The following RGS3 variants were observed in gnomAD, a reference collection of about 807,000 sequenced individuals.
RGS3 encodes regulator of G-protein signalling 3.
A neutral mutation model predicts 132.6 loss-of-function variants in RGS3; 80 were observed. That is an observed-to-expected ratio of 0.60 (90% CI 0.50 to 0.73). RGS3 has a LOEUF of 0.73. RGS3 is among the 30% of genes least tolerant of loss of function. RGS3 has a pLI of 0.00. For missense variants in RGS3, 1,382 were observed against 1,530.8 expected (o/e 0.90, Z 1.62); for synonymous variants, 598 against 620.6 (o/e 0.96, Z 0.54).
intron 17 of RGS3, among the ~76,000 whole-genome samples, chr9:113,523,992 T>C (rs1832085622): frequency 6.6e-6 from 1 of 152,182 alleles, no homozygotes; most frequent in African/African-American, 2.4e-5. Context: ...GGCTCTGGCC[T>C]TTCCCCTGTC....
At position 113,507,432 on chromosome 9, in the gene RGS3, A is replaced by C. The variant is rs1831181099; in HGVS notation, c.1231A>C (p.Thr411Pro). 1 of 1,613,862 alleles carries C rather than the reference A, an allele frequency of 6.2e-7. No individual in the cohort carries two copies. Among genetic ancestry groups the C allele is most frequent in the Non-Finnish European group, 8.5e-7 (1 of 1,180,018 alleles). The change falls in exon 13 of 25, where the codon ACC becomes CCC. Residue 411 changes from threonine (T) to proline (P), a missense_variant. By Grantham distance (38) the Thr-to-Pro change is conservative. Transcript: ENST00000350696. This position sits in a 1 kb window ranked among gnomAD's most constrained non-coding sequence, Gnocchi z 5.0. Reference sequence around the variant, plus strand: ...CCCCAACAAACGGGAGAAGAACTGCACCCATGGGGTCCAGGCACGGCCTGA... The same window carrying C: ...CCCCAACAAACGGGAGAAGAACTGCCCCCATGGGGTCCAGGCACGGCCTGA...
chr9:113,522,925 C>T lies in RGS3; in HGVS notation c.1759-5C>T. On this transcript the variant is annotated splice_polypyrimidine_tract_variant and splice_region_variant and intron_variant, in intron 16 of 24. Coordinates refer to ENST00000350696, the Ensembl canonical transcript of RGS3. ...GCCAGTTCTGTTTGCTCTCTGTCAA[C>T]CCAGGTGACACTGTTTGCCTATTCG... 6.2e-7 allele frequency: 1 copy of T among 1,601,062 alleles called. No individual in the cohort carries two copies. The highest frequency in any genetic ancestry group is 8.6e-7 in the Non-Finnish European group (1 of 1,168,034).
At chr9:113,557,316 G>A (rs770893045) in intron 19 of RGS3, among the ~76,000 whole-genome samples, 3 of 152,352 alleles carry the variant, frequency 2.0e-5, no homozygotes, top group Middle Eastern at 3.4e-3. Context: ...TAGCAGTGCT[G>A]CTGCCAGAAG....
chr9:113,484,292 C>A, intron 6 of RGS3, 60 bp downstream of exon 4: 3 of 585,598 alleles, frequency 5.1e-6, no homozygotes, highest in Non-Finnish European at 8.9e-6. Context: ...TATCTGGAAA[C>A]AGCTCTGTTT....
At chr9:113,551,331 T>G (rs1318264777) in intron 19 of RGS3, among the ~76,000 whole-genome samples, 2 of 152,252 alleles carry the variant, frequency 1.3e-5, no homozygotes, top group African/African-American at 4.8e-5. Flanking sequence ...TGAATAATAT[T>G]CTGTTGTATG....
intron 3 of RGS3, among the ~76,000 whole-genome samples, chr9:113,475,999 G>A (rs1032406205): frequency 2.7e-5 from 4 of 150,908 alleles, no homozygotes; most frequent in African/African-American, 9.8e-5. Context: ...TTGCAGTGGT[G>A]TGATCATGGT....
intron 19 of RGS3, among the ~76,000 whole-genome samples, chr9:113,548,847 C>T (rs1266435589): frequency 4.6e-5 from 7 of 152,126 alleles, no homozygotes; most frequent in Non-Finnish European, 8.8e-5. Context: ...TGCCTTTGGG[C>T]GCACAGAGAC....
intron 19 of RGS3, chr9:113,582,107 C>T (rs1834850373): frequency 1.0e-6 from 1 of 985,478 alleles, no homozygotes; most frequent in Non-Finnish European, 1.2e-6. Context: ...TGTGCAGCAG[C>T]CTGCAGCTGC....
chr9:113,576,693 A>G (rs905077153), intron 19 of RGS3, among the ~76,000 whole-genome samples: 2 of 152,232 alleles, frequency 1.3e-5, no homozygotes, highest in African/African-American at 4.8e-5. Context: ...ACGTGAGGCT[A>G]CAGGGAGACA....
chr9:113,451,208 G>A (rs1002669991), intron 1 of RGS3, among the ~76,000 whole-genome samples: 2 of 151,928 alleles, frequency 1.3e-5, no homozygotes, highest in Admixed American at 6.6e-5. Context: ...AAAAAGGTGG[G>A]GGCAGGCCTT....
intron 21 of RGS3, chr9:113,592,973 T>G (rs898623420): frequency 1.3e-5 from 2 of 152,240 alleles, no homozygotes; most frequent in Non-Finnish European, 2.9e-5. Flanking sequence ...TTACCCTTAT[T>G]TTACACGTGA....
chr9:113,511,947 C>T (rs775045774), intron 14 of RGS3, among the ~76,000 whole-genome samples: 4 of 152,062 alleles, frequency 2.6e-5, no homozygotes, highest in South Asian at 2.1e-4. Flanking sequence ...CTTCTACTAA[C>T]CCTGGTAGGT....
intron 19 of RGS3, among the ~76,000 whole-genome samples, chr9:113,561,504 C>T (rs1833783543): frequency 6.6e-6 from 1 of 151,996 alleles, no homozygotes; most frequent in Admixed American, 6.6e-5. Context: ...CCTCAACCTC[C>T]TGGGCTCAAG....
At chr9:113,484,673 A>G (rs1312437738) in intron 6 of RGS3, among the ~76,000 whole-genome samples, 1 of 152,216 alleles carries the variant, frequency 6.6e-6, no homozygotes, top group African/African-American at 2.4e-5. Flanking sequence ...AAATGGGGCT[A>G]ATAATAGTAG....
At chr9:113,583,629 A>T in exon 20 of RGS3, 3 of 1,613,928 alleles carry the variant, frequency 1.9e-6, no homozygotes, top group Non-Finnish European at 2.5e-6. Context: ...CCAGCCAAGA[A>T]CCACTGTCCA....
Position 113,514,663 on chromosome 9 carries a change from G to T in RGS3, c.1674+9G>T. On this transcript the variant is annotated intron_variant, in intron 15 of 24. Transcript: ENST00000350696. ...TCCCTGTCTTTGTTCAGGTGAGCCC[G>T]TGGCTGGTCTTAAAGGTTCCCTCAG... The T allele has an allele frequency of 6.2e-7, 1 of 1,612,456 alleles. No individual in the cohort carries two copies. The highest frequency in any genetic ancestry group is 8.5e-7 in the Non-Finnish European group (1 of 1,179,604).
exon 25 of RGS3, chr9:113,597,117 A>G (rs1448906471): frequency 4.6e-5 from 28 of 612,118 alleles, no homozygotes; most frequent in Non-Finnish European, 1.9e-5. Flanking sequence ...AGAGAGGCCC[A>G]GGCTACTGGA....
chr9:113,481,445 C>T (rs560114514), intron 4 of RGS3, among the ~76,000 whole-genome samples: 1 of 152,202 alleles, frequency 6.6e-6, no homozygotes, highest in Admixed American at 6.5e-5. Flanking sequence ...GGATACTGGG[C>T]AGAGTAGACT....
intron 19 of RGS3, chr9:113,541,483 C>T: frequency 6.3e-7 from 1 of 1,595,226 alleles, no homozygotes; most frequent in Non-Finnish European, 8.5e-7. Context: ...TTGGGCATCC[C>T]CTACCACACA....
Sources: gnomAD v4.1 joint callset for allele counts (sites outside exome capture counted in the v4.1 genomes callset) on GRCh38, gnomAD v4.1.1 for gene constraint, Gnocchi (gnomAD v3.1) non-coding constraint, MANE v1.5 for transcripts, NCBI Gene and HGNC (gene_info 2026-07-23, HGNC 2026-07-21) for gene names.